The following ANKLE2 variants were observed in gnomAD, a reference collection of about 807,000 sequenced individuals.
ANKLE2 encodes ankyrin repeat and LEM domain containing 2, also known as ankyrin repeat and LEM domain-containing protein 2.
Under a neutral mutation model 84.2 loss-of-function variants are expected in ANKLE2, and 55 were observed. The observed-to-expected ratio is 0.65, with a 90% CI of 0.53 to 0.82. ANKLE2 has a LOEUF of 0.82. Ranked by LOEUF, ANKLE2 falls within the 40% of genes least tolerant of loss-of-function variation. The pLI, the probability that ANKLE2 is intolerant of heterozygous loss-of-function variation, is 0.00. For missense variants in ANKLE2, 1,238 were observed against 1,201.9 expected (o/e 1.03, Z -0.44); for synonymous variants, 551 against 486.1 (o/e 1.13, Z -1.76).
At chr12:132,753,012 T>G (rs756248854) in intron 2 of ANKLE2, among the ~76,000 whole-genome samples, 2 of 150,108 alleles carry the variant, frequency 1.3e-5, no homozygotes, top group Non-Finnish European at 3.0e-5. Flanking sequence ...AAAAAAAAAT[T>G]TAATTACCTA....
chr12:132,747,977 T>C lies in ANKLE2; in HGVS notation c.1085A>G (p.Asn362Ser). 1 of 1,597,340 alleles carries C rather than the reference T, an allele frequency of 6.3e-7. No homozygotes were observed. Among genetic ancestry groups the C allele is most frequent in the Non-Finnish European group, 8.5e-7 (1 of 1,175,712 alleles). The change falls in exon 5 of 13, where the codon AAC becomes AGC. Residue 362 changes from asparagine to serine, a missense_variant. Physicochemically the swap from Asn to Ser is conservative, Grantham distance 46. This residue lies in a region of ANKLE2 where 802 missense variants were observed against 774.5 expected (regional missense o/e 1.04). Transcript: ENST00000357997. ...AGTCAGCTGGCAGATGGAAGCCTGG[T>C]TCTCTTTGGCAGCAACATGCATCAC... ...YNVMHVAAKE[N>S]QASICQLTLD...
rs888638538 is a variant in ANKLE2 at position 132,744,443 on chromosome 12, T to C, written c.1231-1167A>G. 4.6e-5 allele frequency among the ~76,000 whole-genome samples: 7 copies of C among 152,212 alleles called. No individual in the cohort carries two copies. In the East Asian group the frequency reaches 5.8e-4, roughly 13 times the overall value. On this transcript the variant is annotated intron_variant, in intron 5 of 12. Coordinates refer to ENST00000357997, the MANE Select transcript of ANKLE2 (RefSeq NM_015114.3). ...CTGCACAGGGAAGAAAAACTCATCATGGACCCTGCGGCCTGCACTGACACC... is the reference window on the plus strand; with the variant it reads ...CTGCACAGGGAAGAAAAACTCATCACGGACCCTGCGGCCTGCACTGACACC...
At chr12:132,759,597 A>ATATTTTTATATAAAATATCAGTATTT (rs2044577726) in intron 1 of ANKLE2, 1 of 143,434 alleles carries the variant, frequency 7.0e-6, no homozygotes, top group African/African-American at 3.0e-5. Flanking sequence ...ATATAAAAAC[A>ATATTTTTATATAAAATATCAGTATTT]TATTTTTATA....
intron 8 of ANKLE2, among the ~76,000 whole-genome samples, chr12:132,736,001 G>A (rs2044001283): frequency 6.6e-6 from 1 of 152,206 alleles, no homozygotes; most frequent in Admixed American, 6.5e-5. Context: ...GCCCAGGCTG[G>A]AGTGCAGTGG....
At position 132,743,622 on chromosome 12, in the gene ANKLE2, T is replaced by C. The variant is rs952521281; in HGVS notation, c.1231-346A>G. On this transcript the variant is annotated intron_variant, in intron 5 of 12. Transcript: ENST00000357997. This position sits in a 1 kb window ranked among gnomAD's most constrained non-coding sequence, Gnocchi z 4.1. ...CCTTTGCCTCCCAAAGTGCTGGGATTACAGGTGTGAGTCACCGAGCCTGGC... is the reference window on the plus strand; with the variant it reads ...CCTTTGCCTCCCAAAGTGCTGGGATCACAGGTGTGAGTCACCGAGCCTGGC... Among the ~76,000 whole-genome samples the C allele has an allele frequency of 2.0e-5, 3 of 151,480 alleles. No individual in the cohort carries two copies. Among genetic ancestry groups the C allele is most frequent in the African/African-American group, 7.3e-5 (3 of 41,206 alleles).
rs1001373555 is a variant in ANKLE2 at position 132,730,246 on chromosome 12, G to A, written c.1916C>T (p.Ala639Val). 1.3e-5 allele frequency: 20 copies of A among 1,568,578 alleles called. No homozygotes were observed. The highest frequency in any genetic ancestry group is 7.4e-5 in the Admixed American group (4 of 54,184). ...TSGSNSISVR[A>V]FLDEDDMSLE... is the part of the protein sequence containing the mutation. The stretch of plus-strand genomic sequence containing the variant: ...GCTCATGTCATCTTCATCTAGAAAC[G>A]CCCTCACGGAAATGGAATTGCTGCC... The change falls in exon 11 of 13, where the codon GCG becomes GTG. Residue 639 changes from alanine to valine, a missense_variant. Ala to Val is a moderately conservative substitution (Grantham distance 64). This residue lies in a region of ANKLE2 where 802 missense variants were observed against 774.5 expected (regional missense o/e 1.04). Transcript: ENST00000357997.
chr12:132,750,003 T>C (rs770431903), intron 3 of ANKLE2, among the ~76,000 whole-genome samples: 1 of 151,796 alleles, frequency 6.6e-6, no homozygotes. Flanking sequence ...CCTGTCTCCA[T>C]AAAAAAAGTT....
Position 132,729,992 on chromosome 12 carries a change from C to T in ANKLE2, c.2170G>A (p.Ala724Thr). Reference sequence around the variant, plus strand: ...AAATCCGAGACAGGTGGCAGATGGGCTTCCTCCCCACGGGGGGCCTTTGGT... The same window carrying T: ...AAATCCGAGACAGGTGGCAGATGGGTTTCCTCCCCACGGGGGGCCTTTGGT... ...KRPKAPRGEE[A>T]HLPPVSDLTV... Residue 724 changes from alanine (A) to threonine (T), a missense_variant, in exon 11 of 13, where the codon GCC (alanine) becomes ACC (threonine). Ala to Thr is a moderately conservative substitution (Grantham distance 58). This residue lies in a region of ANKLE2 where 802 missense variants were observed against 774.5 expected (regional missense o/e 1.04). Transcript: ENST00000357997. 1 of 1,613,380 alleles carries T rather than the reference C, an allele frequency of 6.2e-7. No individual in the cohort carries two copies. Among genetic ancestry groups the T allele is most frequent in the Non-Finnish European group, 8.5e-7 (1 of 1,179,924 alleles).
At chr12:132,727,915 G>A (rs2043742646) in intron 12 of ANKLE2, 117 bp downstream of exon 12, 1 of 1,386,276 alleles carries the variant, frequency 7.2e-7, no homozygotes, top group African/African-American at 1.5e-5. Flanking sequence ...CAGCCTGGCT[G>A]ACGGGCCTGC....
Position 132,733,363 on chromosome 12 carries a change from G to A in ANKLE2, c.1891+1022C>T, listed in dbSNP as rs1479507536. ...GTGTCTGATATGCACCGTGTGAAGC[G>A]CTCTGCGTCCTGGTGTCTGACAGGC... On this transcript the variant is annotated intron_variant, in intron 10 of 12. Coordinates refer to ENST00000357997, the MANE Select transcript of ANKLE2 (RefSeq NM_015114.3). Among the ~76,000 whole-genome samples the A allele has an allele frequency of 1.1e-3, 113 of 101,028 alleles. 1 individual carries two copies. The highest frequency in any genetic ancestry group is 3.5e-3 in the African/African-American group (89 of 25,590). The allele number at this position is 101,028 out of a possible 152,430, so 66.3% of individuals were successfully genotyped here.
intron 6 of ANKLE2, among the ~76,000 whole-genome samples, chr12:132,742,939 A>C (rs1311378844): frequency 1.3e-5 from 2 of 152,078 alleles, no homozygotes; most frequent in Admixed American, 1.3e-4. Flanking sequence ...TAAAATCAGC[A>C]AACTGCGTCA....
At chr12:132,761,127 T>C (rs2044614827) in intron 1 of ANKLE2, 1 of 153,264 alleles carries the variant, frequency 6.5e-6, no homozygotes, top group Non-Finnish European at 1.5e-5. Flanking sequence ...AAGCAATAAA[T>C]GGCCACCTTC....
At chr12:132,751,194 A>G (rs975731830) in intron 2 of ANKLE2, 4 of 171,294 alleles carry the variant, frequency 2.3e-5, no homozygotes, top group South Asian at 1.8e-4. Context: ...AGCCAAGAAC[A>G]TAAGAGAATT....
chr12:132,727,226 G>C lies in ANKLE2; in HGVS notation c.*16C>G. ...TCTTTAAAAATGAAGAACAAACCGA[G>C]AGCCCAGCGCCAAGCCTACAGGGCG... is the stretch of plus-strand genomic sequence containing the variant. On this transcript the variant is annotated 3_prime_UTR_variant, in exon 13 of 13. Coordinates refer to ENST00000357997, the MANE Select transcript of ANKLE2 (RefSeq NM_015114.3). 1 of 1,526,658 alleles carries C rather than the reference G, an allele frequency of 6.6e-7. No individual in the cohort carries two copies. The highest frequency in any genetic ancestry group is 8.8e-7 in the Non-Finnish European group (1 of 1,133,876). 94.6% of individuals were successfully genotyped at this position (1,526,658 alleles called of 1,614,324 possible).
chr12:132,727,373 T>C lies in ANKLE2; in HGVS notation c.2686A>G (p.Ser896Gly). The C allele has an allele frequency of 6.4e-7, 1 of 1,561,734 alleles. No homozygotes were observed. The highest frequency in any genetic ancestry group is 8.7e-7 in the Non-Finnish European group (1 of 1,153,032). The change falls in exon 13 of 13, where the codon AGT (serine) becomes GGT (glycine). Residue 896 changes from serine (S) to glycine (G), a missense_variant. Around this residue, in one of 3 missense-constraint regions of ANKLE2, gnomAD observed 802 missense variants for 774.5 expected, o/e 1.04. Transcript: ENST00000357997. ...CCAGCCACGCTGTTTCTCCCCGGAC[T>C]GTAGCTGTGAGGGCCACTGAGATCT... is the stretch of plus-strand genomic sequence containing the variant. ...LPDLSGPHSY[S>G]PGRNSVAGSN...
chr12:132,760,381 G>C (rs1391425595), intron 1 of ANKLE2: 4 of 152,172 alleles, frequency 2.6e-5, no homozygotes, highest in South Asian at 4.1e-4. Flanking sequence ...GGTGTCGTCT[G>C]TCATCCTAAT....
intron 10 of ANKLE2, among the ~76,000 whole-genome samples, chr12:132,733,270 T>A (rs575301480): frequency 7.9e-6 from 1 of 126,346 alleles, no homozygotes; most frequent in African/African-American, 3.3e-5. Flanking sequence ...TGGTGTCTGA[T>A]ATGCACCGTG....
intron 2 of ANKLE2, 179 bp from the exon 3 acceptor site, chr12:132,751,028 C>T (rs1024668928): frequency 1.7e-6 from 1 of 605,230 alleles, no homozygotes; most frequent in Non-Finnish European, 2.9e-6. Context: ...AATTAACAAG[C>T]TCGACAGTGT....
At position 132,743,631 on chromosome 12, in the gene ANKLE2, G is replaced by T. The variant is rs1183308462; in HGVS notation, c.1231-355C>A. Among the ~76,000 whole-genome samples the T allele has an allele frequency of 6.7e-6, 1 of 149,960 alleles. No individual in the cohort carries two copies. Among genetic ancestry groups the T allele is most frequent in the Admixed American group, 6.7e-5 (1 of 15,024 alleles). On this transcript the variant is annotated intron_variant, in intron 5 of 12. Transcript: ENST00000357997. This position sits in a 1 kb window ranked among gnomAD's most constrained non-coding sequence, Gnocchi z 4.1. The stretch of plus-strand genomic sequence containing the variant: ...CCCAAAGTGCTGGGATTACAGGTGT[G>T]AGTCACCGAGCCTGGCTTATACTTT...
Sources: allele counts gnomAD v4.1 joint callset (sites outside exome capture counted in the v4.1 genomes callset), GRCh38; gene constraint gnomAD v4.1.1; regional missense constraint gnomAD v4.1.1; non-coding constraint Gnocchi (gnomAD v3.1); transcripts MANE v1.5; gene names NCBI Gene and HGNC (gene_info 2026-07-23, HGNC 2026-07-21).